Variants in TMEM132E observed in about 807,000 individuals in gnomAD.
The protein encoded by TMEM132E is transmembrane protein 132E.
In TMEM132E, 49 loss-of-function variants were observed where a neutral mutation model predicts 78.5. The ratio of observed to expected loss-of-function variants is 0.62; its 90% confidence interval spans 0.50 to 0.79. TMEM132E has a LOEUF of 0.79. TMEM132E is among the 30% of genes least tolerant of loss of function. The pLI is 0.00. For missense variants in TMEM132E, 1,403 were observed against 1,470.9 expected (o/e 0.95, Z 0.75); for synonymous variants, 715 against 670.6 (o/e 1.07, Z -1.02).
intron 1 of TMEM132E, among the ~76,000 whole-genome samples, chr17:34,606,818 C>T (rs1252152775): frequency 1.3e-5 from 2 of 152,222 alleles, no homozygotes; most frequent in East Asian, 1.9e-4. Context: ...TGTGACCTGC[C>T]TGGCTGCACT....
chr17:34,634,138 G>A (rs1907441488), intron 6 of TMEM132E, among the ~76,000 whole-genome samples: 2 of 152,174 alleles, frequency 1.3e-5, no homozygotes, highest in South Asian at 2.1e-4. Context: ...AAAACACTTG[G>A]CTTTCTCACC....
intron 5 of TMEM132E, among the ~76,000 whole-genome samples, chr17:34,631,049 C>A (rs191166431): frequency 1.1e-3 from 165 of 152,310 alleles, no homozygotes; most frequent in Non-Finnish European, 1.7e-3. Context: ...CAGTAGGCAT[C>A]AAAATCAGAT....
intron 2 of TMEM132E, 95 bp from the exon 3 acceptor site, chr17:34,628,468 C>T: frequency 1.4e-6 from 2 of 1,424,744 alleles, no homozygotes; most frequent in Non-Finnish European, 1.9e-6. Context: ...TATCTGTTCC[C>T]CCTCCCCCCA....
At chr17:34,583,039 G>A (rs4795939) in intron 1 of TMEM132E, among the ~76,000 whole-genome samples, 13,596 of 152,252 alleles carry the variant, frequency 0.089, 700 homozygotes, top group South Asian at 0.2. Flanking sequence ...GGGCCTTAGC[G>A]TCCTGGCTGC....
rs570801620 is a variant in TMEM132E at position 34,582,880 on chromosome 17, C to T, written c.67+1737C>T. Among the ~76,000 whole-genome samples, 18 of 152,284 alleles carry T rather than the reference C, an allele frequency of 1.2e-4. No individual in the cohort carries two copies. The South Asian group carries it at 3.1e-3, about 26-fold the overall frequency. Reference sequence around the variant, plus strand: ...TTCCCTTCCCAAAGCCCAACCATGGCGTCACCTCAAACGCTGATGATGGGC... The same window carrying T: ...TTCCCTTCCCAAAGCCCAACCATGGTGTCACCTCAAACGCTGATGATGGGC... On this transcript the variant is annotated intron_variant, in intron 1 of 8. Transcript: ENST00000631683.
intron 1 of TMEM132E, among the ~76,000 whole-genome samples, chr17:34,597,913 T>C (rs1347284235): frequency 1.3e-5 from 2 of 152,174 alleles, no homozygotes; most frequent in East Asian, 3.9e-4. Flanking sequence ...AGTGATGGTG[T>C]GGCCTTGAGC....
At chr17:34,586,131 C>T (rs1190015379) in intron 1 of TMEM132E, among the ~76,000 whole-genome samples, 1 of 152,090 alleles carries the variant, frequency 6.6e-6, no homozygotes, top group East Asian at 1.9e-4. Context: ...CCTCTCTCCC[C>T]AAGCACACGC....
At chr17:34,627,977 A>G (rs1907212991) in intron 2 of TMEM132E, among the ~76,000 whole-genome samples, 1 of 152,202 alleles carries the variant, frequency 6.6e-6, no homozygotes, top group African/African-American at 2.4e-5. Flanking sequence ...TGTTCATTGG[A>G]GTGCAGCTGA....
intron 1 of TMEM132E, among the ~76,000 whole-genome samples, chr17:34,591,502 G>A (rs966045681): frequency 1.3e-5 from 2 of 152,160 alleles, no homozygotes; most frequent in African/African-American, 2.4e-5. Flanking sequence ...CTGGGGTCTT[G>A]CAAATACATT....
At chr17:34,613,211 A>ACACACGCG in intron 1 of TMEM132E, among the ~76,000 whole-genome samples, 6,081 of 115,496 alleles carry the variant, frequency 0.053, 252 homozygotes, top group Non-Finnish European at 0.068. Flanking sequence ...ACACACACAC[A>ACACACGCG]CGCGCGCGCG....
chr17:34,635,988 C>A lies in TMEM132E; in HGVS notation c.1978-19C>A. On this transcript the variant is annotated intron_variant, in intron 7 of 8. Transcript: ENST00000631683. ...GTGCTTTCCTGGTTCTCTCCCACCC[C>A]GGTCCCGCTCTGCCTCAGGTGGTGT... is the stretch of plus-strand genomic sequence containing the variant. The A allele has an allele frequency of 7.2e-7, 1 of 1,393,948 alleles. No homozygotes were observed. The highest frequency in any genetic ancestry group is 1.7e-5 in the South Asian group (1 of 58,016). The allele number at this position is 1,393,948 out of a possible 1,614,324, so 86.3% of individuals were successfully genotyped here.
intron 1 of TMEM132E, among the ~76,000 whole-genome samples, chr17:34,596,247 C>T (rs556531272): frequency 2.6e-5 from 4 of 152,294 alleles, no homozygotes; most frequent in South Asian, 4.1e-4. Flanking sequence ...GAGTGTGGAG[C>T]CCTTGGCAGT....
rs370787723 is a variant in TMEM132E at position 34,610,195 on chromosome 17, G to A, written c.68-15932G>A. ...CCTACCTTTTAGCATGGTTATTTAT[G>A]TACTTGTCTGATCTCCCTGTTAGCC... is the stretch of plus-strand genomic sequence containing the variant. On this transcript the variant is annotated intron_variant, in intron 1 of 8. Transcript: ENST00000631683. Among the ~76,000 whole-genome samples the A allele has an allele frequency of 4.6e-5, 7 of 152,312 alleles. No individual in the cohort carries two copies. The East Asian group carries it at 1.2e-3, about 25-fold the overall frequency.
chr17:34,630,027 CGGCCATTCTGACTGGCCGGACAGT>C lies in TMEM132E; in HGVS notation c.1365_1388del (p.Leu456_Ile463del). 6.2e-7 allele frequency: 1 copy of C among 1,611,610 alleles called. No individual in the cohort carries two copies. The highest frequency in any genetic ancestry group is 8.5e-7 in the Non-Finnish European group (1 of 1,178,096). On this transcript the variant is annotated inframe_deletion, in exon 5 of 9. Transcript: ENST00000631683. ...CTGCAGGACACAGAGATCATCAACACGGCCATTCTGACTGGCCGGACAGTGGCCATCCCTGTCAAGGTCATTGCC... is the reference window on the plus strand; with the variant it reads ...CTGCAGGACACAGAGATCATCAACACGGCCATCCCTGTCAAGGTCATTGCC...
At chr17:34,620,556 C>T (rs867363397) in intron 1 of TMEM132E, among the ~76,000 whole-genome samples, 1 of 152,240 alleles carries the variant, frequency 6.6e-6, no homozygotes, top group African/African-American at 2.4e-5. Context: ...ATGGTGGAGA[C>T]GGCTTGAGAG....
chr17:34,595,166 T>C (rs1265178507), intron 1 of TMEM132E, among the ~76,000 whole-genome samples: 3 of 152,218 alleles, frequency 2.0e-5, no homozygotes, highest in African/African-American at 7.2e-5. Context: ...TCCAGAGCTT[T>C]GCCCATTCAG....
At chr17:34,613,494 T>G (rs1906680628) in intron 1 of TMEM132E, among the ~76,000 whole-genome samples, 1 of 150,612 alleles carries the variant, frequency 6.6e-6, no homozygotes, top group African/African-American at 2.4e-5. Flanking sequence ...ACCTCACTAC[T>G]AGTCCGTCCA....
intron 6 of TMEM132E, 152 bp from the exon 7 acceptor site, chr17:34,634,647 T>G: frequency 2.2e-6 from 2 of 897,084 alleles, no homozygotes; most frequent in Non-Finnish European, 3.3e-6. Flanking sequence ...GGTTCCCAAC[T>G]TAGAGATGGA....
rs574406964 is a variant in TMEM132E at position 34,624,956 on chromosome 17, C to A, written c.68-1171C>A. On this transcript the variant is annotated intron_variant, in intron 1 of 8. Coordinates refer to ENST00000631683, the MANE Select transcript of TMEM132E (RefSeq NM_001304438.2). ...GTTGAGGAATGTGACTCGGGAGGTTCTTGGGGAGATCCAAAATAAGATTTC... is the reference window on the plus strand; with the variant it reads ...GTTGAGGAATGTGACTCGGGAGGTTATTGGGGAGATCCAAAATAAGATTTC... Among the ~76,000 whole-genome samples the A allele has an allele frequency of 2.0e-5, 3 of 152,268 alleles. No homozygotes were observed. In the South Asian group the frequency reaches 6.2e-4, roughly 32 times the overall value.
Sources: allele counts gnomAD v4.1 joint callset (sites outside exome capture counted in the v4.1 genomes callset), GRCh38; gene constraint gnomAD v4.1.1; transcripts MANE v1.5; gene names NCBI Gene and HGNC (gene_info 2026-07-23, HGNC 2026-07-21).